APBA2: variants seen among roughly 807,000 people sequenced by gnomAD.
The protein encoded by APBA2 is amyloid beta precursor protein binding family A member 2.
In APBA2, 30 loss-of-function variants were observed where a neutral mutation model predicts 75.0. That is an observed-to-expected ratio of 0.40 (90% confidence interval 0.30 to 0.54). The LOEUF (loss-of-function observed/expected upper bound fraction) is 0.54, where lower values mean the gene tolerates loss of function less well. APBA2 is among the 20% of genes least tolerant of loss of function. The pLI, the probability that APBA2 is intolerant of heterozygous loss-of-function variation, is 0.49. For missense variants in APBA2, 801 were observed against 1,016.1 expected (o/e 0.79, Z 2.88); for synonymous variants, 444 against 409.6 (o/e 1.08, Z -1.01).
chr15:28,944,306 C>A (rs1490261377), intron 2 of APBA2, among the ~76,000 whole-genome samples: 2 of 152,138 alleles, frequency 1.3e-5, no homozygotes, highest in African/African-American at 4.8e-5. Context: ...CTGCCTCTTG[C>A]CATCCTCTAT....
intron 4 of APBA2, among the ~76,000 whole-genome samples, chr15:29,072,136 A>T (rs1402632295): frequency 6.6e-6 from 1 of 152,148 alleles, no homozygotes; most frequent in African/African-American, 2.4e-5. Flanking sequence ...TGACAAATTA[A>T]ATCCCGCCCA....
chr15:29,015,185 G>C (rs1473735018), intron 3 of APBA2, among the ~76,000 whole-genome samples: 1 of 152,140 alleles, frequency 6.6e-6, no homozygotes, highest in African/African-American at 2.4e-5. Flanking sequence ...GCTTGGCCCA[G>C]CATACCTGTT....
At chr15:28,975,923 A>G (rs1366365903) in intron 2 of APBA2, among the ~76,000 whole-genome samples, 1 of 152,212 alleles carries the variant, frequency 6.6e-6, no homozygotes, top group Non-Finnish European at 1.5e-5. Flanking sequence ...AGGAAACAGG[A>G]TGCCTTGGGA....
chr15:28,894,579 CAG>C (rs1437698421), intron 1 of APBA2, among the ~76,000 whole-genome samples: 1 of 152,110 alleles, frequency 6.6e-6, no homozygotes, highest in African/African-American at 2.4e-5. Context: ...ACCCTGGGCA[CAG>C]GGGGGACTAT....
At chr15:29,085,629 T>C (rs2043259576) in intron 6 of APBA2, among the ~76,000 whole-genome samples, 1 of 152,134 alleles carries the variant, frequency 6.6e-6, no homozygotes, top group Non-Finnish European at 1.5e-5. Context: ...GTGTTTTGTG[T>C]GTGTTACCAT....
intron 2 of APBA2, among the ~76,000 whole-genome samples, chr15:28,984,912 G>GCTCTCTCT (rs72448868): frequency 2.9e-5 from 4 of 139,528 alleles, no homozygotes; most frequent in African/African-American, 8.4e-5. Context: ...GGGGGGAGCT[G>GCTCTCTCT]CTCTCTCTCT....
Position 29,057,781 on chromosome 15 carries a change from G to A in APBA2, c.951+2946G>A, listed in dbSNP as rs1452772551. Among the ~76,000 whole-genome samples the A allele has an allele frequency of 2.6e-5, 4 of 152,322 alleles. No individual in the cohort carries two copies. The East Asian group carries it at 7.7e-4, about 29-fold the overall frequency. On this transcript the variant is annotated intron_variant, in intron 4 of 14. Coordinates refer to ENST00000683413, the MANE Select transcript of APBA2 (RefSeq NM_001353788.2). ...TTGTGAGTGGCATTTTCTCTTAGGT[G>A]TAAGGCTGCCACAGACATCTTTGTA... is the stretch of plus-strand genomic sequence containing the variant.
At position 28,950,218 on chromosome 15, in the gene APBA2, C is replaced by T. The variant is rs746154550; in HGVS notation, c.-95+28469C>T. On this transcript the variant is annotated intron_variant, in intron 2 of 14. Transcript: ENST00000683413. ...GTTTGGGGGAGGAAAACCACAGAAG[C>T]GAAGCACCATTTTCAACATACATCA... Among the ~76,000 whole-genome samples, 41 of 152,278 alleles carry T rather than the reference C, an allele frequency of 2.7e-4. No individual in the cohort carries two copies. The South Asian group carries it at 4.1e-3, about 15-fold the overall frequency.
intron 11 of APBA2, 141 bp downstream of exon 11, chr15:29,105,699 T>C: frequency 1.2e-6 from 1 of 862,712 alleles, no homozygotes; most frequent in South Asian, 1.4e-5. Flanking sequence ...AATGTGCACC[T>C]CGCTCCTGCC....
chr15:28,935,724 G>A (rs8037594), intron 2 of APBA2, among the ~76,000 whole-genome samples: 25,020 of 152,186 alleles, frequency 0.16, 2,797 homozygotes, highest in African/African-American at 0.32. Context: ...ACCTGGTCTC[G>A]GCTGAGGTTA....
At chr15:28,996,186 A>G (rs1430173573) in intron 3 of APBA2, among the ~76,000 whole-genome samples, 1 of 152,218 alleles carries the variant, frequency 6.6e-6, no homozygotes, top group African/African-American at 2.4e-5. Context: ...GTTCCTAGTT[A>G]CAGCGAAAGT....
chr15:29,102,955 G>A (rs1429556245), intron 10 of APBA2, among the ~76,000 whole-genome samples: 2 of 152,102 alleles, frequency 1.3e-5, no homozygotes, highest in African/African-American at 4.8e-5. Flanking sequence ...TAAGAACTTG[G>A]GTCCACTTGA....
At chr15:29,040,932 A>G (rs2041005591) in intron 3 of APBA2, among the ~76,000 whole-genome samples, 1 of 152,198 alleles carries the variant, frequency 6.6e-6, no homozygotes, top group Non-Finnish European at 1.5e-5. Flanking sequence ...GAAATTATCA[A>G]AGACTTTAAA....
chr15:28,978,719 G>A (rs753570019), intron 2 of APBA2, among the ~76,000 whole-genome samples: 4 of 152,176 alleles, frequency 2.6e-5, no homozygotes, highest in Non-Finnish European at 5.9e-5. Context: ...AATCCGGCAG[G>A]TGCCTCCCAG....
At chr15:29,014,764 A>C (rs1437311450) in intron 3 of APBA2, among the ~76,000 whole-genome samples, 3 of 147,182 alleles carry the variant, frequency 2.0e-5, no homozygotes, top group Non-Finnish European at 4.4e-5. Context: ...GCTGGAGTGC[A>C]GTGGTGCCAT....
intron 1 of APBA2, among the ~76,000 whole-genome samples, chr15:28,916,897 G>T (rs1341748443): frequency 6.6e-6 from 1 of 152,154 alleles, no homozygotes; most frequent in East Asian, 1.9e-4. Flanking sequence ...ATACATGTGA[G>T]TCCTCCTGGA....
At position 28,960,677 on chromosome 15, in the gene APBA2, C is replaced by T. The variant is rs143046672; in HGVS notation, c.-94-35076C>T. ...AAATGGATGAAAATGGAATGAGAAGCTTTGCCCACGTCAGAGCCAACCTAT... is the reference window on the plus strand; with the variant it reads ...AAATGGATGAAAATGGAATGAGAAGTTTTGCCCACGTCAGAGCCAACCTAT... On this transcript the variant is annotated intron_variant, in intron 2 of 14. Transcript: ENST00000683413. 2.5e-3 allele frequency among the ~76,000 whole-genome samples: 380 copies of T among 151,780 alleles called. 1 individual carries two copies. Among genetic ancestry groups the T allele is most frequent in the African/African-American group, 9.0e-3 (372 of 41,354 alleles).
rs139685172 is a variant in APBA2 at position 29,026,653 on chromosome 15, C to A, written c.-40-27192C>A. Among the ~76,000 whole-genome samples, 1,102 of 152,260 alleles carry A rather than the reference C, an allele frequency of 7.2e-3. 19 individuals are homozygous for A. Among genetic ancestry groups the A allele is most frequent in the African/African-American group, 0.026 (1,065 of 41,540 alleles). On this transcript the variant is annotated intron_variant, in intron 3 of 14. Transcript: ENST00000683413. ...AACAGGCCGGGCATGGTGGCTCACGCCTGTAATCCCAGCACTTTGGGAGGC... is the reference window on the plus strand; with the variant it reads ...AACAGGCCGGGCATGGTGGCTCACGACTGTAATCCCAGCACTTTGGGAGGC...
At chr15:29,079,736 G>T (rs1030161362) in intron 6 of APBA2, among the ~76,000 whole-genome samples, 3 of 152,166 alleles carry the variant, frequency 2.0e-5, no homozygotes, top group Non-Finnish European at 4.4e-5. Context: ...CTGAGAAGTT[G>T]CCCTGAAGGG....
Sources: allele counts gnomAD v4.1 joint callset (sites outside exome capture counted in the v4.1 genomes callset), GRCh38; gene constraint gnomAD v4.1.1; transcripts MANE v1.5; gene names NCBI Gene and HGNC (gene_info 2026-07-23, HGNC 2026-07-21).